GRM7: variants seen among roughly 807,000 people sequenced by gnomAD.
The protein encoded by GRM7 is glutamate metabotropic receptor 7.
In GRM7, 35 loss-of-function variants were observed where a neutral mutation model predicts 84.5. That is an observed-to-expected ratio of 0.41 (90% CI 0.32 to 0.55). The LOEUF is 0.55. GRM7 is among the 20% of genes least tolerant of loss of function. GRM7 has a pLI of 0.19. For synonymous variants in GRM7, 487 were observed against 455.1 expected, an observed-to-expected ratio of 1.07 and a Z score of -0.89; for missense variants, 1,003 against 1,194.6, an observed-to-expected ratio of 0.84 and a Z score of 2.36.
chr3:7,344,087 C>T (rs1692777714), intron 4 of GRM7, among the ~76,000 whole-genome samples: 1 of 150,678 alleles, frequency 6.6e-6, no homozygotes, highest in Admixed American at 6.6e-5. Context: ...TTCATCAAAT[C>T]ATGTTTTTTT....
chr3:7,357,745 C>T (rs1169958478), intron 4 of GRM7, among the ~76,000 whole-genome samples: 2 of 152,104 alleles, frequency 1.3e-5, no homozygotes, highest in Admixed American at 1.3e-4. Context: ...TGACAGGTCA[C>T]CATGTGTCAT....
intron 1 of GRM7, among the ~76,000 whole-genome samples, chr3:6,868,783 G>A (rs1695020532): frequency 6.6e-6 from 1 of 152,156 alleles, no homozygotes; most frequent in African/African-American, 2.4e-5. Flanking sequence ...ATTAATGTTT[G>A]TGTGGGCCGT....
intron 1 of GRM7, among the ~76,000 whole-genome samples, chr3:6,902,492 A>G (rs961410159): frequency 6.6e-5 from 10 of 152,130 alleles, no homozygotes; most frequent in Non-Finnish European, 1.5e-4. Flanking sequence ...AGAAAATCCA[A>G]GTTAAATAAG....
chr3:7,577,213 A>G (rs1310938065), intron 7 of GRM7, among the ~76,000 whole-genome samples: 1 of 152,190 alleles, frequency 6.6e-6, no homozygotes, highest in Non-Finnish European at 1.5e-5. Context: ...TCAGTAGTTG[A>G]CTAACATGGT....
intron 2 of GRM7, among the ~76,000 whole-genome samples, chr3:7,297,193 C>T (rs1273814684): frequency 1.3e-5 from 2 of 151,972 alleles, no homozygotes; most frequent in African/African-American, 4.8e-5. Context: ...ATATATTGTA[C>T]TTTCATTTAT....
chr3:7,681,565 G>A (rs991265645), intron 9 of GRM7: 1 of 152,206 alleles, frequency 6.6e-6, no homozygotes, highest in African/African-American at 2.4e-5. Context: ...GTTTGACTTT[G>A]TGACAGAAGT....
intron 8 of GRM7, among the ~76,000 whole-genome samples, chr3:7,612,226 G>A (rs921824124): frequency 1.3e-5 from 2 of 152,156 alleles, no homozygotes; most frequent in Admixed American, 6.5e-5. Context: ...TTTGGGTTAC[G>A]TGCCCTTAGT....
At chr3:7,216,459 A>T (rs554315302) in intron 2 of GRM7, among the ~76,000 whole-genome samples, 1 of 152,320 alleles carries the variant, frequency 6.6e-6, no homozygotes, top group African/African-American at 2.4e-5. Flanking sequence ...AAAGTAGTAC[A>T]TCCCCAAACT....
At chr3:7,674,291 A>C (rs1648474304) in intron 8 of GRM7, among the ~76,000 whole-genome samples, 1 of 151,684 alleles carries the variant, frequency 6.6e-6, no homozygotes, top group Non-Finnish European at 1.5e-5. Flanking sequence ...TTCTGGATTC[A>C]AGCAATTCTC....
chr3:7,296,193 T>A (rs1699809727), intron 2 of GRM7, among the ~76,000 whole-genome samples: 1 of 152,060 alleles, frequency 6.6e-6, no homozygotes, highest in Non-Finnish European at 1.5e-5. Flanking sequence ...ATAATAATGA[T>A]TGATTTTTCA....
chr3:7,408,947 C>T (rs1695797481), intron 4 of GRM7, among the ~76,000 whole-genome samples: 1 of 152,158 alleles, frequency 6.6e-6, no homozygotes, highest in Non-Finnish European at 1.5e-5. Context: ...GTTTATTAGA[C>T]AATTATTAAA....
intron 9 of GRM7, among the ~76,000 whole-genome samples, chr3:7,700,997 C>T (rs995212822): frequency 2.6e-5 from 4 of 152,168 alleles, no homozygotes; most frequent in Non-Finnish European, 5.9e-5. Context: ...TCAATAAAAT[C>T]CTATGAGGGC....
chr3:7,594,795 C>T (rs975923704), intron 8 of GRM7, among the ~76,000 whole-genome samples: 1 of 152,052 alleles, frequency 6.6e-6, no homozygotes, highest in Non-Finnish European at 1.5e-5. Flanking sequence ...CTCAGGGCCC[C>T]CACACAGAGA....
chr3:7,590,651 T>C (rs1257574673), intron 8 of GRM7, among the ~76,000 whole-genome samples: 1 of 152,138 alleles, frequency 6.6e-6, no homozygotes, highest in Non-Finnish European at 1.5e-5. Flanking sequence ...CCAGGGCCAT[T>C]TCCTTCCCAG....
intron 7 of GRM7, among the ~76,000 whole-genome samples, chr3:7,570,665 A>G (rs891976372): frequency 2.6e-5 from 4 of 152,150 alleles, no homozygotes; most frequent in African/African-American, 9.7e-5. Flanking sequence ...TTCCACACAC[A>G]CGATACAAGT....
rs1445171927 is a variant in GRM7, at chr3:7,239,003, C to CT, written c.737-59673dup. Among the ~76,000 whole-genome samples, 68 of 136,676 alleles carry CT rather than the reference C, an allele frequency of 5.0e-4. 3 individuals are homozygous for CT. Among genetic ancestry groups the CT allele is most frequent in the Admixed American group, 4.5e-3 (57 of 12,630 alleles). 89.7% of individuals were successfully genotyped at this position (136,676 alleles called of 152,430 possible). On this transcript the variant is annotated intron_variant, in intron 2 of 9. Coordinates refer to ENST00000357716, the MANE Select transcript of GRM7 (RefSeq NM_000844.4). ...CCCTTTCTTTTCTTTTTTCCTTTTT[C>CT]TTTTTTTTGACATGGTCTCATTCTG...
intron 8 of GRM7, among the ~76,000 whole-genome samples, chr3:7,663,691 A>G (rs558539991): frequency 6.6e-5 from 10 of 152,316 alleles, no homozygotes; most frequent in African/African-American, 2.4e-4. Context: ...ACTTTCTTCA[A>G]TTCATGGCAT....
intron 9 of GRM7, among the ~76,000 whole-genome samples, chr3:7,740,064 GTTGA>G (rs2106533464): frequency 6.6e-6 from 1 of 152,280 alleles, no homozygotes; most frequent in Non-Finnish European, 1.5e-5. Flanking sequence ...TAAGTTAAGG[GTTGA>G]TTGATTAGAA....
At chr3:7,291,775 A>G (rs573607723) in intron 2 of GRM7, among the ~76,000 whole-genome samples, 3 of 152,252 alleles carry the variant, frequency 2.0e-5, no homozygotes, top group African/African-American at 7.2e-5. Context: ...ATCAGCAAAG[A>G]TGGGAGAGGG....
Sources: allele counts gnomAD v4.1 joint callset (sites outside exome capture counted in the v4.1 genomes callset), GRCh38; gene constraint gnomAD v4.1.1; transcripts MANE v1.5; gene names NCBI Gene and HGNC (gene_info 2026-07-23, HGNC 2026-07-21).